The following TAS2R1 variants were observed in gnomAD, a reference collection of about 807,000 sequenced individuals.
TAS2R1 encodes taste receptor type 2 member 1.
For missense variants in TAS2R1, 370 were observed against 353.4 expected (o/e 1.05, Z -0.38); for synonymous variants, 141 against 134.2 (o/e 1.05, Z -0.35).
chr5:9,635,400 T>C (rs1739944498), intron 2 of TAS2R1, among the ~76,000 whole-genome samples: 1 of 152,026 alleles, frequency 6.6e-6, no homozygotes. Flanking sequence ...TATTGGTCTG[T>C]AGTTTGCTTT....
chr5:9,750,254 A>G, the TAS2R1 span, among the ~76,000 whole-genome samples: 1 of 152,092 alleles, frequency 6.6e-6, no homozygotes, highest in Non-Finnish European at 1.5e-5. Flanking sequence ...GCATTCTTGT[A>G]CTTGCTCCCT....
At chr5:9,792,096 G>A in the TAS2R1 span, among the ~76,000 whole-genome samples, 1 of 152,180 alleles carries the variant, frequency 6.6e-6, no homozygotes, top group Non-Finnish European at 1.5e-5. Flanking sequence ...CACATTCAAT[G>A]TAGGGAAACC....
In TAS2R1 at chr5:9,699,106, C is replaced by T. The variant is rs549064764; in HGVS notation, c.-242+13066G>A. ...ATGATGAATGTCAGATGGTACAATA[C>T]AGAAGAATAGAGGTAAATTGTGAAG... is the stretch of plus-strand genomic sequence containing the variant. On this transcript the variant is annotated intron_variant, in intron 1 of 2. Transcript: ENST00000506620. Among the ~76,000 whole-genome samples the T allele has an allele frequency of 4.6e-5, 7 of 152,278 alleles. No homozygotes were observed. In the South Asian group the frequency reaches 8.3e-4, roughly 18 times the overall value.
the TAS2R1 span, among the ~76,000 whole-genome samples, chr5:9,752,020 T>C: frequency 3.9e-5 from 6 of 152,186 alleles, no homozygotes; most frequent in African/African-American, 1.2e-4. Context: ...GCTTAGGATG[T>C]CATTAGACTG....
chr5:9,902,957 T>A, the TAS2R1 span, among the ~76,000 whole-genome samples: 1 of 151,804 alleles, frequency 6.6e-6, no homozygotes, highest in Non-Finnish European at 1.5e-5. Context: ...TAAAAAAAAA[T>A]GTGTGAGTAT....
the TAS2R1 span, among the ~76,000 whole-genome samples, chr5:9,734,565 C>CAAAAAG: frequency 6.6e-6 from 1 of 152,110 alleles, no homozygotes; most frequent in Non-Finnish European, 1.5e-5. Flanking sequence ...TTACAAAAGA[C>CAAAAAG]AAAAAGCTTA....
At chr5:9,735,748 A>G in the TAS2R1 span, among the ~76,000 whole-genome samples, 5 of 152,258 alleles carry the variant, frequency 3.3e-5, no homozygotes, top group African/African-American at 4.8e-5. Flanking sequence ...AATAGTGTTC[A>G]TGTTTATTTA....
At chr5:9,731,310 G>A in the TAS2R1 span, among the ~76,000 whole-genome samples, 38 of 151,864 alleles carry the variant, frequency 2.5e-4, 1 homozygote, top group African/African-American at 7.7e-4. Context: ...CCTCCCACCG[G>A]CATCTGTCCC....
the TAS2R1 span, among the ~76,000 whole-genome samples, chr5:9,754,058 C>G: frequency 2.0e-5 from 3 of 152,134 alleles, no homozygotes; most frequent in Non-Finnish European, 2.9e-5. Context: ...GCTTATCCAC[C>G]ATGATCAAGT....
At chr5:9,875,085 C>T in the TAS2R1 span, among the ~76,000 whole-genome samples, 2 of 152,128 alleles carry the variant, frequency 1.3e-5, no homozygotes, top group Non-Finnish European at 2.9e-5. Flanking sequence ...CTACTGTGTG[C>T]AACAGGGTAC....
intron 1 of TAS2R1, among the ~76,000 whole-genome samples, chr5:9,710,125 G>C (rs1311072174): frequency 6.6e-6 from 1 of 152,250 alleles, no homozygotes. Flanking sequence ...CAAGGCCTTG[G>C]CCAGAGGATT....
chr5:9,836,261 T>G, the TAS2R1 span, among the ~76,000 whole-genome samples: 16,491 of 152,094 alleles, frequency 0.11, 982 homozygotes, highest in Non-Finnish European at 0.13. Flanking sequence ...GTCTTGGGTA[T>G]GTCTTTACCA....
At chr5:9,840,853 ATTTATTTTTTTTTTTTTTT>A in the TAS2R1 span, among the ~76,000 whole-genome samples, 48 of 19,604 alleles carry the variant, frequency 2.4e-3, no homozygotes, top group East Asian at 9.5e-3. Context: ...TTATTTATTT[ATTTATTTTTTTTTTTTTTT>A]TTTTTTTTTT....
chr5:9,684,372 T>C (rs116521193), intron 1 of TAS2R1, among the ~76,000 whole-genome samples: 4,558 of 152,204 alleles, frequency 0.03, 80 homozygotes, highest in African/African-American at 0.052. Flanking sequence ...TAGAGTAGAA[T>C]TGTGGTTATT....
At chr5:9,824,782 G>T in the TAS2R1 span, among the ~76,000 whole-genome samples, 1 of 148,692 alleles carries the variant, frequency 6.7e-6, no homozygotes, top group Non-Finnish European at 1.5e-5. Flanking sequence ...GGGCAGCGGA[G>T]GTTGCAGCGA....
chr5:9,855,500 C>T, the TAS2R1 span, among the ~76,000 whole-genome samples: 1 of 152,304 alleles, frequency 6.6e-6, no homozygotes, highest in South Asian at 2.1e-4. Context: ...ACAGAGAGAG[C>T]GTGCACACAT....
chr5:9,705,531 T>A (rs1337206111), intron 1 of TAS2R1, among the ~76,000 whole-genome samples: 4 of 152,106 alleles, frequency 2.6e-5, no homozygotes, highest in Admixed American at 1.3e-4. Flanking sequence ...ACTTTGCTGG[T>A]GTGTCTGGGA....
At chr5:9,783,577 A>G in the TAS2R1 span, among the ~76,000 whole-genome samples, 1 of 152,222 alleles carries the variant, frequency 6.6e-6, no homozygotes, top group Non-Finnish European at 1.5e-5. Flanking sequence ...TTTTGATTAC[A>G]ACATTGTAAA....
chr5:9,747,045 A>C, the TAS2R1 span, among the ~76,000 whole-genome samples: 330 of 152,310 alleles, frequency 2.2e-3, no homozygotes, highest in African/African-American at 7.6e-3. Context: ...AAATTGACAA[A>C]GGAGACTAAG....
Sources: gnomAD v4.1 joint callset for allele counts (sites outside exome capture counted in the v4.1 genomes callset) on GRCh38, gnomAD v4.1.1 for gene constraint, MANE v1.5 for transcripts, NCBI Gene and HGNC (gene_info 2026-07-23, HGNC 2026-07-21) for gene names.